The following MAP4K3 variants were observed in gnomAD, a reference collection of about 807,000 sequenced individuals.
The protein encoded by MAP4K3 is MAPK/ERK kinase kinase kinase 3.
In MAP4K3, 94 loss-of-function variants were observed where a neutral mutation model predicts 143.5. That is an observed-to-expected ratio of 0.65 (90% CI 0.55 to 0.78). The LOEUF is 0.78. MAP4K3 is among the 30% of genes least tolerant of loss of function. MAP4K3 has a pLI of 0.00. For missense variants in MAP4K3, 1,077 were observed against 1,068.1 expected, an observed-to-expected ratio of 1.01 and a Z score of -0.12; for synonymous variants, 416 against 347.2, an observed-to-expected ratio of 1.20 and a Z score of -2.20.
chr2:39,301,861 A>T (rs1450855830), intron 15 of MAP4K3, among the ~76,000 whole-genome samples: 2 of 152,030 alleles, frequency 1.3e-5, no homozygotes, highest in African/African-American at 4.8e-5. Context: ...TGTCTCTACT[A>T]AAAATACAAA....
chr2:39,356,390 C>T (rs762395025), intron 2 of MAP4K3, 51 bp from the exon 3 acceptor site: 1 of 955,584 alleles, frequency 1.0e-6, no homozygotes. Flanking sequence ...TTTCAAAATG[C>T]TCATTTATTT....
At chr2:39,362,021 T>C (rs904626466) in intron 2 of MAP4K3, among the ~76,000 whole-genome samples, 1 of 152,078 alleles carries the variant, frequency 6.6e-6, no homozygotes, top group Admixed American at 6.5e-5. Context: ...AGACAGCAAG[T>C]ACCTTATGAA....
Position 39,288,281 on chromosome 2 carries a change from C to G in MAP4K3, c.1315-1G>C. The G allele has an allele frequency of 6.2e-7, 1 of 1,612,662 alleles. No individual in the cohort carries two copies. Among genetic ancestry groups the G allele is most frequent in the Non-Finnish European group, 8.5e-7 (1 of 1,178,934 alleles). On this transcript the variant is annotated splice_acceptor_variant, in intron 19 of 33. Transcript: ENST00000263881. LOFTEE classifies it high-confidence loss of function. ...CCTGTGGTATGAAGATAGACTTAGG[C>G]TGAAATAATATAGAAAAAGAGACCA...
intron 19 of MAP4K3, among the ~76,000 whole-genome samples, chr2:39,289,379 C>A (rs1489520450): frequency 6.6e-6 from 1 of 152,026 alleles, no homozygotes; most frequent in East Asian, 1.9e-4. Flanking sequence ...CTCCAACTCT[C>A]ATTTGTAACA....
chr2:39,363,918 C>T (rs762041824), intron 2 of MAP4K3, among the ~76,000 whole-genome samples: 3 of 149,836 alleles, frequency 2.0e-5, no homozygotes, highest in African/African-American at 7.4e-5. Flanking sequence ...TCAAAAGATG[C>T]CCAACATTAC....
At chr2:39,294,467 T>C (rs1682188212) in intron 16 of MAP4K3, among the ~76,000 whole-genome samples, 1 of 152,216 alleles carries the variant, frequency 6.6e-6, no homozygotes, top group Non-Finnish European at 1.5e-5. Flanking sequence ...ATTATCTTAT[T>C]CACAAAGCTC....
In MAP4K3 at chr2:39,415,952, C is replaced by CA. The variant is rs1192060497; in HGVS notation, c.96+20939dup. Among the ~76,000 whole-genome samples the CA allele has an allele frequency of 9.4e-3, 25 of 2,656 alleles. 8 individuals carry two copies. The highest frequency in any genetic ancestry group is 0.023 in the East Asian group (1 of 44). 1.7% of individuals were successfully genotyped at this position (2,656 alleles called of 152,430 possible). ...TGGGCGAGAGAGCAAGGCTCTGTCT[C>CA]AAAAAAAAAAAAAAAAAAAAAAAAA... On this transcript the variant is annotated intron_variant, in intron 1 of 33. Transcript: ENST00000263881.
intron 1 of MAP4K3, among the ~76,000 whole-genome samples, chr2:39,412,427 C>G (rs1667257039): frequency 6.6e-6 from 1 of 152,032 alleles, no homozygotes; most frequent in Non-Finnish European, 1.5e-5. Flanking sequence ...GGCCCCTGAT[C>G]CCACGAAGCT....
At chr2:39,393,627 ATTTTTTAAGATCACT>A (rs1666727710) in intron 1 of MAP4K3, among the ~76,000 whole-genome samples, 1 of 152,144 alleles carries the variant, frequency 6.6e-6, no homozygotes, top group African/African-American at 2.4e-5. Flanking sequence ...AACAAACTTC[ATTTTTTAAGATCACT>A]TATGTTTAAA....
intron 1 of MAP4K3, among the ~76,000 whole-genome samples, chr2:39,387,020 G>A (rs1666524087): frequency 6.6e-6 from 1 of 151,998 alleles, no homozygotes; most frequent in Non-Finnish European, 1.5e-5. Context: ...TGCCATGTTG[G>A]CCAGGCTCAT....
At chr2:39,273,740 T>C (rs1329165092) in intron 24 of MAP4K3, among the ~76,000 whole-genome samples, 7 of 152,216 alleles carry the variant, frequency 4.6e-5, no homozygotes, top group Non-Finnish European at 1.0e-4. Context: ...ACAACTAAAA[T>C]GTGGCATTGC....
chr2:39,335,849 A>T (rs1054566107), intron 6 of MAP4K3, among the ~76,000 whole-genome samples: 2 of 152,206 alleles, frequency 1.3e-5, no homozygotes, highest in South Asian at 4.1e-4. Context: ...AGACATGCGC[A>T]TAAGGGCATT....
At chr2:39,289,478 C>G (rs1484180104) in intron 19 of MAP4K3, among the ~76,000 whole-genome samples, 1 of 151,566 alleles carries the variant, frequency 6.6e-6, no homozygotes, top group Non-Finnish European at 1.5e-5. Context: ...CTCATTTTAC[C>G]TTTAAAAAAA....
chr2:39,413,621 G>A (rs1394324293), intron 1 of MAP4K3, among the ~76,000 whole-genome samples: 2 of 152,032 alleles, frequency 1.3e-5, no homozygotes, highest in Non-Finnish European at 2.9e-5. Context: ...CAGAGTCCAG[G>A]AATACGGACT....
chr2:39,288,410 G>T (rs183561488), intron 19 of MAP4K3, 130 bp from the exon 20 acceptor site: 3 of 738,242 alleles, frequency 4.1e-6, no homozygotes, highest in Middle Eastern at 4.1e-4. Context: ...TGAGTTTAAA[G>T]GTTACTCAAC....
chr2:39,362,751 G>GA (rs1330367045), intron 2 of MAP4K3, among the ~76,000 whole-genome samples: 4 of 151,978 alleles, frequency 2.6e-5, no homozygotes, highest in Non-Finnish European at 4.4e-5. Context: ...ACAATCTTGA[G>GA]AAAAAAGAAT....
intron 1 of MAP4K3, among the ~76,000 whole-genome samples, chr2:39,400,517 C>G (rs1050268259): frequency 2.6e-5 from 4 of 151,480 alleles, no homozygotes; most frequent in African/African-American, 9.7e-5. Context: ...TATTGTTCCC[C>G]CCTCTCTTTC....
At chr2:39,306,839 A>C (rs746460060) in intron 15 of MAP4K3, among the ~76,000 whole-genome samples, 1 of 152,192 alleles carries the variant, frequency 6.6e-6, no homozygotes, top group Non-Finnish European at 1.5e-5. Context: ...GATAAGCCAC[A>C]TGGGCCCCAG....
chr2:39,354,580 T>A (rs1665553372), intron 3 of MAP4K3, among the ~76,000 whole-genome samples: 1 of 152,004 alleles, frequency 6.6e-6, no homozygotes, highest in African/African-American at 2.4e-5. Context: ...ATCACGCCAC[T>A]GCACTCCAGT....
Sources: allele counts gnomAD v4.1 joint callset (sites outside exome capture counted in the v4.1 genomes callset), GRCh38; gene constraint gnomAD v4.1.1; transcripts MANE v1.5; gene names NCBI Gene and HGNC (gene_info 2026-07-23, HGNC 2026-07-21).